SF3B4: variants seen among roughly 807,000 people sequenced by gnomAD.
SF3B4 encodes the protein splicing factor 3b subunit 4, also known as SAP 49.
Under a neutral mutation model 34.3 loss-of-function variants are expected in SF3B4, and 3 were observed. The ratio of observed to expected loss-of-function variants is 0.09; its 90% CI spans 0.04 to 0.23. The LOEUF (loss-of-function observed/expected upper bound fraction) is 0.23, where lower values mean the gene tolerates loss of function less well. Among genes scored for constraint, SF3B4 ranks in the 10% least tolerant of loss-of-function variants. SF3B4 has a pLI of 1.00. For missense variants in SF3B4, 283 were observed against 567.2 expected, an observed-to-expected ratio of 0.50 and a Z score of 5.09; for synonymous variants, 216 against 207.8, an observed-to-expected ratio of 1.04 and a Z score of -0.34.
At position 149,927,337 on chromosome 1, in the gene SF3B4, G is replaced by A. The variant is rs115397237; in HGVS notation, c.35-43C>T. 3.7e-6 allele frequency: 6 copies of A among 1,605,204 alleles called. No individual in the cohort carries two copies. The African/African-American group carries it at 4.0e-5, about 11-fold the overall frequency. On this transcript the variant is annotated intron_variant, in intron 1 of 5. Transcript: ENST00000271628. ...AAAAGAGCAAGCGTGAGAGTGTAAC[G>A]GGAAGGAAGGAAGTGATGGAAACAT...
In SF3B4 at chr1:149,923,652, G is replaced by A; in HGVS notation, c.1165C>T (p.Pro389Ser). The change falls in exon 6 of 6, where the codon CCA becomes TCA. Residue 389 changes from proline (P) to serine (S), a missense_variant. Pro to Ser is a moderately conservative substitution (Grantham distance 74). This residue lies in a region of SF3B4 where 208 missense variants were observed against 292.6 expected (regional missense o/e 0.71). Transcript: ENST00000271628. Reference sequence around the variant, plus strand: ...TGGTAGCCATAGGGTGGGGGTCGTGGAGGGCCAGTGTATCCATGGGGGGGC... The same window carrying A: ...TGGTAGCCATAGGGTGGGGGTCGTGAAGGGCCAGTGTATCCATGGGGGGGC... ...LMPPHGYTGP[P>S]RPPPYGYQRG... 6.5e-7 allele frequency: 1 copy of A among 1,527,058 alleles called. No individual in the cohort carries two copies. The highest frequency in any genetic ancestry group is 2.6e-5 in the East Asian group (1 of 38,800). The allele number at this position is 1,527,058 out of a possible 1,614,324, so 94.6% of individuals were successfully genotyped here. A position where few individuals can be genotyped will look rare whatever the true frequency, so the allele number is the denominator to read the frequency against.
chr1:149,927,669 G>A, intron 1 of SF3B4, 57 bp downstream of exon 1: 6 of 1,541,040 alleles, frequency 3.9e-6, no homozygotes, highest in Non-Finnish European at 3.5e-6. Flanking sequence ...ACTGCTGGCT[G>A]TAGTCGGGGC....
rs2092573670 is a variant in SF3B4 at position 149,924,104 on chromosome 1, A to G, written c.914-90T>C. 1.2e-5 allele frequency: 13 copies of G among 1,106,482 alleles called. No individual in the cohort carries two copies. The South Asian group carries it at 2.0e-4, about 17-fold the overall frequency. 68.5% of individuals were successfully genotyped at this position (1,106,482 alleles called of 1,614,324 possible). A position where few individuals can be genotyped will look rare whatever the true frequency, so the allele number is the denominator to read the frequency against. On this transcript the variant is annotated intron_variant, in intron 4 of 5. Transcript: ENST00000271628. ...AAGGAAGAAAACAAAATTAGAAAGA[A>G]AGTGACATCAGAAAGAGAACTATAT...
At position 149,923,620 on chromosome 1, in the gene SF3B4, C is replaced by G; in HGVS notation, c.1197G>C (p.Gly399=). The G allele has an allele frequency of 6.5e-7, 1 of 1,537,612 alleles. No homozygotes were observed. ...PRPPPYGYQR[G]PLPPPRPTPR... ...GAGTGGGTCTGGGTGGAGGGAGAGGCCCCCGCTGGTAGCCATAGGGTGGGG... is the reference window on the plus strand; with the variant it reads ...GAGTGGGTCTGGGTGGAGGGAGAGGGCCCCGCTGGTAGCCATAGGGTGGGG... Residue 399 remains glycine (G), a synonymous_variant, in exon 6 of 6, where the codon GGG becomes GGC. Transcript: ENST00000271628.
At chr1:149,924,370 A>G (rs1553765730) in intron 4 of SF3B4, among the ~76,000 whole-genome samples, 2 of 152,030 alleles carry the variant, frequency 1.3e-5, no homozygotes, top group African/African-American at 2.4e-5. Context: ...CTGGGACGTC[A>G]AGGCTACAGT....
chr1:149,927,574 C>G, intron 1 of SF3B4, 152 bp downstream of exon 1: 1 of 1,043,004 alleles, frequency 9.6e-7, no homozygotes. Flanking sequence ...AGCCAGCACC[C>G]GGCCACCCCG....
At position 149,926,290 on chromosome 1, in the gene SF3B4, C is replaced by T. The variant is rs1250839538; in HGVS notation, c.706+86G>A. ...CATCAACTCACTGACTCAATGTCCC[C>T]TGTCCCCCTTTCAGACTTGTTTTCT... On this transcript the variant is annotated intron_variant, in intron 3 of 5. Coordinates refer to ENST00000271628, the MANE Select transcript of SF3B4 (RefSeq NM_005850.5). The surrounding 1 kb of genome is among the most constrained non-coding windows in gnomAD (Gnocchi z 6.2). The T allele has an allele frequency of 8.2e-7, 1 of 1,218,712 alleles. No homozygotes were observed. Among genetic ancestry groups the T allele is most frequent in the African/African-American group, 1.5e-5 (1 of 66,026 alleles). The allele number at this position is 1,218,712 out of a possible 1,614,324, so 75.5% of individuals were successfully genotyped here.
chr1:149,923,669 T>TGGG lies in SF3B4; in HGVS notation c.1145_1147dup (p.Pro382dup). 3 of 1,526,180 alleles carry TGGG rather than the reference T, an allele frequency of 2.0e-6. No homozygotes were observed. The highest frequency in any genetic ancestry group is 2.6e-6 in the Non-Finnish European group (3 of 1,148,294). The allele number at this position is 1,526,180 out of a possible 1,614,324, so 94.5% of individuals were successfully genotyped here. A position where few individuals can be genotyped will look rare whatever the true frequency, so the allele number is the denominator to read the frequency against. On this transcript the variant is annotated inframe_insertion, in exon 6 of 6. Transcript: ENST00000271628. ...GGGTCGTGGAGGGCCAGTGTATCCA[T>TGGG]GGGGGGGCATCAGTGGAGGAGGTCC...
At chr1:149,927,050 T>C (rs2092594153) in intron 2 of SF3B4, 116 bp downstream of exon 2, 2 of 1,481,044 alleles carry the variant, frequency 1.4e-6, no homozygotes, top group South Asian at 1.3e-5. Context: ...GTTCCAGAAA[T>C]AAACTGAAGA....
intron 4 of SF3B4, among the ~76,000 whole-genome samples, chr1:149,924,267 T>G (rs886108567): frequency 6.6e-6 from 1 of 151,966 alleles, no homozygotes; most frequent in Admixed American, 6.5e-5. Flanking sequence ...AGACCCCAGC[T>G]CTATCAAAAA....
intron 4 of SF3B4, 149 bp downstream of exon 4, chr1:149,925,687 G>C (rs782390909): frequency 1.1e-5 from 8 of 730,198 alleles, no homozygotes; most frequent in African/African-American, 1.7e-5. Context: ...AGATGTTAGA[G>C]AGCATTTTGT....
At chr1:149,925,351 GAA>G (rs2092583020) in intron 4 of SF3B4, among the ~76,000 whole-genome samples, 1 of 152,256 alleles carries the variant, frequency 6.6e-6, no homozygotes, top group South Asian at 2.1e-4. Flanking sequence ...GATATATGCA[GAA>G]AAGAGAAACA....
intron 4 of SF3B4, among the ~76,000 whole-genome samples, chr1:149,924,503 G>C (rs1415060489): frequency 1.3e-5 from 2 of 152,062 alleles, no homozygotes; most frequent in African/African-American, 4.8e-5. Context: ...TATTCCAACA[G>C]CACAAACCAA....
intron 1 of SF3B4, 94 bp downstream of exon 1, chr1:149,927,632 A>G (rs1349896843): frequency 7.5e-6 from 11 of 1,463,830 alleles, no homozygotes; most frequent in Non-Finnish European, 1.0e-5. Flanking sequence ...GGAAGGGAGG[A>G]GTCCAGTCTC....
chr1:149,923,834 G>T lies in SF3B4; in HGVS notation c.1087+7C>A, dbSNP rs149292275. 2 of 1,584,066 alleles carry T rather than the reference G, an allele frequency of 1.3e-6. No individual in the cohort carries two copies. The highest frequency in any genetic ancestry group is 2.3e-5 in the South Asian group (2 of 87,012). ...GCAGATGAGGGAGGTGGCTAGAGCC[G>T]ACTTACCCATGGGAGATCCGAATGG... is the stretch of plus-strand genomic sequence containing the variant. On this transcript the variant is annotated splice_region_variant and intron_variant, in intron 5 of 5. Transcript: ENST00000271628.
rs902009309 is a variant in SF3B4 at position 149,927,167 on chromosome 1, T to C, written c.162A>G (p.Gln54=). The C allele has an allele frequency of 1.2e-6, 2 of 1,613,674 alleles. No individual in the cohort carries two copies. Among genetic ancestry groups the C allele is most frequent in the Non-Finnish European group, 1.7e-6 (2 of 1,180,022 alleles). ...ATTCGCCCCTTGTCATGTACTCACC[T>C]TGGTGCTGGCCAGTGACTCTATCCT... ...MPKDRVTGQH[Q]GYGFVEFLSE... Residue 54 remains glutamine, a splice_region_variant and synonymous_variant, in exon 2 of 6, where the codon CAA becomes CAG. Coordinates refer to ENST00000271628, the MANE Select transcript of SF3B4 (RefSeq NM_005850.5).
chr1:149,927,082 T>C, intron 2 of SF3B4, 84 bp downstream of exon 2: 1 of 1,552,966 alleles, frequency 6.4e-7, no homozygotes, highest in Middle Eastern at 2.1e-4. Context: ...GAAAAAAATC[T>C]TTAGGTTGCT....
rs587730444 is a variant in SF3B4, at chr1:149,926,357, T to C, written c.706+19A>G. 1.9e-6 allele frequency: 3 copies of C among 1,582,850 alleles called. No individual in the cohort carries two copies. The highest frequency in any genetic ancestry group is 1.1e-5 in the South Asian group (1 of 87,584). On this transcript the variant is annotated intron_variant, in intron 3 of 5. Coordinates refer to ENST00000271628, the MANE Select transcript of SF3B4 (RefSeq NM_005850.5). The surrounding 1 kb of genome is among the most constrained non-coding windows in gnomAD (Gnocchi z 6.2). ...CTCCCCCAACCTTAAGACAAACATA[T>C]TTTAACCAAAAGCTTTACCTGGTGG...
chr1:149,926,086 G>T lies in SF3B4; in HGVS notation c.707-44C>A. On this transcript the variant is annotated intron_variant, in intron 3 of 5. Coordinates refer to ENST00000271628, the MANE Select transcript of SF3B4 (RefSeq NM_005850.5). This position sits in a 1 kb window ranked among gnomAD's most constrained non-coding sequence, Gnocchi z 6.2. ...AAGGAAGAGTTAATGGTAGTGAGGA[G>T]AAAATGTCTTTAAAGAGCCTGTCCT... 9.9e-7 allele frequency: 1 copy of T among 1,005,908 alleles called. No homozygotes were observed. The highest frequency in any genetic ancestry group is 1.5e-6 in the Non-Finnish European group (1 of 687,022). 62.3% of individuals were successfully genotyped at this position (1,005,908 alleles called of 1,614,324 possible). A position where few individuals can be genotyped will look rare whatever the true frequency, so the allele number is the denominator to read the frequency against.
Sources: gnomAD v4.1 joint callset for allele counts (sites outside exome capture counted in the v4.1 genomes callset) on GRCh38, gnomAD v4.1.1 for gene constraint, gnomAD v4.1.1 regional missense constraint, Gnocchi (gnomAD v3.1) non-coding constraint, MANE v1.5 for transcripts, NCBI Gene and HGNC (gene_info 2026-07-23, HGNC 2026-07-21) for gene names.